SLC14A2: variants seen among roughly 807,000 people sequenced by gnomAD.
SLC14A2 encodes the protein solute carrier family 14 member 2.
In SLC14A2, 91 loss-of-function variants were observed where a neutral mutation model predicts 104.6. That is an observed-to-expected ratio of 0.87 (90% CI 0.73 to 1.04). SLC14A2 has a LOEUF of 1.04. Among genes scored for constraint, SLC14A2 ranks in the 50% least tolerant of loss-of-function variants. The pLI is 0.00. For missense variants in SLC14A2, 1,189 were observed against 1,156.0 expected (o/e 1.03, Z -0.41); for synonymous variants, 476 against 466.4 (o/e 1.02, Z -0.27).
At chr18:45,385,757 A>C (rs1030824112) in intron 1 of SLC14A2, among the ~76,000 whole-genome samples, 2 of 152,170 alleles carry the variant, frequency 1.3e-5, no homozygotes, top group African/African-American at 4.8e-5. Flanking sequence ...CTGACTTGAA[A>C]ACCTTCAAAG....
intron 18 of SLC14A2, among the ~76,000 whole-genome samples, chr18:45,675,627 A>C (rs2046212196): frequency 6.9e-6 from 1 of 144,424 alleles, no homozygotes; most frequent in Admixed American, 7.1e-5. Context: ...TGATCCTCCC[A>C]CCTCAGCCTC....
At chr18:45,489,590 C>T (rs902062624) in intron 2 of SLC14A2, among the ~76,000 whole-genome samples, 2 of 152,032 alleles carry the variant, frequency 1.3e-5, no homozygotes, top group African/African-American at 4.8e-5. Flanking sequence ...AATTGAGATT[C>T]AAAGAGTTTA....
intron 1 of SLC14A2, among the ~76,000 whole-genome samples, chr18:45,618,567 G>T (rs2045109720): frequency 6.6e-6 from 1 of 150,776 alleles, no homozygotes; most frequent in Admixed American, 6.6e-5. Context: ...TACTCGGGAG[G>T]CTGAGACAGG....
chr18:45,536,886 A>G (rs892501885), intron 2 of SLC14A2, among the ~76,000 whole-genome samples: 1 of 152,132 alleles, frequency 6.6e-6, no homozygotes, highest in African/African-American at 2.4e-5. Flanking sequence ...CCTGTCCTGA[A>G]TGCTGGGTGT....
intron 1 of SLC14A2, among the ~76,000 whole-genome samples, chr18:45,403,862 C>G (rs544174999): frequency 6.6e-6 from 1 of 152,258 alleles, no homozygotes; most frequent in Non-Finnish European, 1.5e-5. Context: ...CTCCTCATCA[C>G]CCGTAAGATA....
At chr18:45,677,906 A>G (rs1189832796) in intron 18 of SLC14A2, among the ~76,000 whole-genome samples, 1 of 152,092 alleles carries the variant, frequency 6.6e-6, no homozygotes, top group Non-Finnish European at 1.5e-5. Flanking sequence ...GCAGCCTCAA[A>G]CTTCCGGGCT....
At chr18:45,310,869 G>T (rs919149069) in intron 1 of SLC14A2, among the ~76,000 whole-genome samples, 1 of 152,198 alleles carries the variant, frequency 6.6e-6, no homozygotes, top group African/African-American at 2.4e-5. Context: ...TACTAGAGCA[G>T]TTCCTTAGAG....
intron 2 of SLC14A2, among the ~76,000 whole-genome samples, chr18:45,605,958 G>A (rs542451669): frequency 6.6e-6 from 1 of 152,120 alleles, no homozygotes; most frequent in Admixed American, 6.6e-5. Flanking sequence ...TGTTTTCGGG[G>A]TATTGAGTTC....
chr18:45,342,061 C>G (rs1161329748), intron 1 of SLC14A2, among the ~76,000 whole-genome samples: 1 of 152,008 alleles, frequency 6.6e-6, no homozygotes, highest in African/African-American at 2.4e-5. Context: ...ATGCATAAGA[C>G]AAGGTTATGT....
chr18:45,612,803 C>T (rs766507107), upstream of SLC14A2, among the ~76,000 whole-genome samples: 1 of 152,182 alleles, frequency 6.6e-6, no homozygotes, highest in Non-Finnish European at 1.5e-5. Context: ...GGGGCAGCTT[C>T]CCTATGCTGT....
At chr18:45,575,951 A>T (rs748103772) in intron 2 of SLC14A2, among the ~76,000 whole-genome samples, 25 of 152,206 alleles carry the variant, frequency 1.6e-4, no homozygotes, top group South Asian at 4.2e-4. Flanking sequence ...CCGGCTGGGG[A>T]GCAGAGGCCA....
chr18:45,444,874 G>A (rs1024847584), intron 1 of SLC14A2, among the ~76,000 whole-genome samples: 3 of 152,168 alleles, frequency 2.0e-5, no homozygotes, highest in Admixed American at 6.5e-5. Flanking sequence ...ATTAGATCAC[G>A]TTGTCAATTC....
At chr18:45,247,023 A>C (rs2084373826) in intron 1 of SLC14A2, among the ~76,000 whole-genome samples, 1 of 152,228 alleles carries the variant, frequency 6.6e-6, no homozygotes, top group Admixed American at 6.5e-5. Context: ...CTGCAGTGAC[A>C]GGAAAACACC....
rs188291724 is a variant in SLC14A2, at chr18:45,589,513, G to A, written c.-34-35118G>A. On this transcript the variant is annotated intron_variant, in intron 2 of 20. Transcript: ENST00000586448. ...TGGAATTCTCATAGGACATTTCCCC[G>A]CACCACCCTCCCCACTCCCCTTTTT... 7.9e-5 allele frequency among the ~76,000 whole-genome samples: 12 copies of A among 151,870 alleles called. No homozygotes were observed. In the East Asian group the frequency reaches 9.7e-4, roughly 12 times the overall value.
chr18:45,667,117 C>A, intron 13 of SLC14A2, 23 bp downstream of exon 13: 1 of 1,592,354 alleles, frequency 6.3e-7, no homozygotes, highest in Non-Finnish European at 8.6e-7. Context: ...GAGAACAACA[C>A]TGACCCTGAC....
chr18:45,632,288 G>A (rs922498451), intron 4 of SLC14A2, 62 bp from the exon 5 acceptor site: 10 of 1,576,332 alleles, frequency 6.3e-6, no homozygotes, highest in African/African-American at 2.7e-5. Flanking sequence ...CAGAGCACCA[G>A]GAGGGAGGGG....
intron 1 of SLC14A2, among the ~76,000 whole-genome samples, chr18:45,378,082 C>T (rs114802295): frequency 0.011 from 1,639 of 152,304 alleles, 31 homozygotes; most frequent in African/African-American, 0.038. Context: ...TAATCTCTAT[C>T]TCCTTGTTTC....
At chr18:45,423,705 A>T (rs2086382006) in intron 1 of SLC14A2, 1 of 152,224 alleles carries the variant, frequency 6.6e-6, no homozygotes, top group Non-Finnish European at 1.5e-5. Flanking sequence ...TAAATACATC[A>T]TAAATATGAC....
At chr18:45,373,583 A>C (rs570741549) in intron 1 of SLC14A2, among the ~76,000 whole-genome samples, 1 of 152,330 alleles carries the variant, frequency 6.6e-6, no homozygotes, top group East Asian at 1.9e-4. Flanking sequence ...AGAGTCTAAT[A>C]GGGGACAACT....
Sources: allele counts gnomAD v4.1 joint callset (sites outside exome capture counted in the v4.1 genomes callset), GRCh38; gene constraint gnomAD v4.1.1; transcripts MANE v1.5; gene names NCBI Gene and HGNC (gene_info 2026-07-23, HGNC 2026-07-21).